PARD3: variants seen among roughly 807,000 people sequenced by gnomAD.
PARD3 encodes the protein par-3 family cell polarity regulator, also known as partitioning defective 3 homolog.
Under a neutral mutation model 155.4 loss-of-function variants are expected in PARD3, and 75 were observed. The observed-to-expected ratio is 0.48, with a 90% CI of 0.40 to 0.58. The LOEUF (loss-of-function observed/expected upper bound fraction) is 0.58. Ranked by LOEUF, PARD3 falls within the 20% of genes least tolerant of loss-of-function variation. The pLI is 0.00. For missense variants in PARD3, 1,642 were observed against 1,721.7 expected, an observed-to-expected ratio of 0.95 and a Z score of 0.82; for synonymous variants, 576 against 610.5, an observed-to-expected ratio of 0.94 and a Z score of 0.83.
chr10:34,369,342 TTATTTATTG>T (rs1312011883), intron 12 of PARD3, among the ~76,000 whole-genome samples: 4 of 149,312 alleles, frequency 2.7e-5, no homozygotes, highest in Non-Finnish European at 5.9e-5. Context: ...ATTTATTTAT[TTATTTATTG>T]GCTTATCTGC....
At chr10:34,125,227 C>T (rs1271022897) in intron 23 of PARD3, among the ~76,000 whole-genome samples, 5 of 152,092 alleles carry the variant, frequency 3.3e-5, no homozygotes, top group African/African-American at 9.6e-5. Context: ...CCACCACGCC[C>T]GGCTAATTTT....
intron 19 of PARD3, among the ~76,000 whole-genome samples, chr10:34,328,976 C>T (rs1008079372): frequency 3.9e-5 from 6 of 152,140 alleles, no homozygotes; most frequent in East Asian, 3.8e-4. Context: ...ACCTGCCACA[C>T]GTGTATTTCC....
intron 1 of PARD3, among the ~76,000 whole-genome samples, chr10:34,703,811 T>C (rs141755463): frequency 9.6e-4 from 146 of 152,244 alleles, no homozygotes; most frequent in African/African-American, 2.9e-3. Context: ...TAGACAATCA[T>C]CTACCAGTGA....
At chr10:34,448,161 G>A (rs2132749074) in intron 5 of PARD3, among the ~76,000 whole-genome samples, 1 of 151,420 alleles carries the variant, frequency 6.6e-6, no homozygotes, top group African/African-American at 2.4e-5. Context: ...GTGTGTGTGT[G>A]TGTACACATA....
chr10:34,752,854 G>A (rs1287734832), intron 1 of PARD3, among the ~76,000 whole-genome samples: 2 of 152,196 alleles, frequency 1.3e-5, no homozygotes, highest in Non-Finnish European at 2.9e-5. Context: ...CAGGGGCTGT[G>A]TGCGAATACC....
intron 5 of PARD3, among the ~76,000 whole-genome samples, chr10:34,415,194 A>G (rs1056220804): frequency 6.6e-6 from 1 of 152,128 alleles, no homozygotes; most frequent in Non-Finnish European, 1.5e-5. Context: ...AAGGGTCAGG[A>G]GGTGGGGAAG....
chr10:34,730,921 C>A (rs1333201553), intron 1 of PARD3, among the ~76,000 whole-genome samples: 5 of 152,222 alleles, frequency 3.3e-5, no homozygotes, highest in African/African-American at 4.8e-5. Context: ...CTATTCATTT[C>A]TCTTGTGAAA....
intron 5 of PARD3, among the ~76,000 whole-genome samples, chr10:34,403,880 A>G (rs557678449): frequency 6.6e-5 from 10 of 152,336 alleles, no homozygotes; most frequent in African/African-American, 2.2e-4. Context: ...GGACACAAAA[A>G]TAATCTTACA....
At chr10:34,686,814 TGAG>T (rs1252090899) in intron 2 of PARD3, among the ~76,000 whole-genome samples, 1 of 151,510 alleles carries the variant, frequency 6.6e-6, no homozygotes, top group Non-Finnish European at 1.5e-5. Flanking sequence ...TTTGGGAGGC[TGAG>T]GAGGGTGGAT....
At chr10:34,347,035 G>T (rs1317053919) in intron 15 of PARD3, among the ~76,000 whole-genome samples, 1 of 152,154 alleles carries the variant, frequency 6.6e-6, no homozygotes, top group African/African-American at 2.4e-5. Context: ...ACCCACTGAT[G>T]AATAAATTAC....
chr10:34,359,243 A>G lies in PARD3; in HGVS notation c.1971T>C (p.Asp657=). The change falls in exon 14 of 25, where the codon GAT becomes GAC. Residue 657 remains aspartate (D), a synonymous_variant. Coordinates refer to ENST00000374788, the MANE Select transcript of PARD3 (RefSeq NM_001184785.2). ...TAGACCTTCTTAGGGTTTCCATGGCATCTTGGTTTGTCTTGCCCAACAGGG... is the reference window on the plus strand; with the variant it reads ...TAGACCTTCTTAGGGTTTCCATGGCGTCTTGGTTTGTCTTGCCCAACAGGG... The part of the protein sequence containing the change: ...GESLLGKTNQ[D]AMETLRRSMS... 14 of 1,613,776 alleles carry G rather than the reference A, an allele frequency of 8.7e-6. No individual in the cohort carries two copies. The highest frequency in any genetic ancestry group is 1.2e-5 in the Non-Finnish European group (14 of 1,179,710).
chr10:34,520,189 A>G (rs982673726), intron 2 of PARD3, among the ~76,000 whole-genome samples: 2 of 152,216 alleles, frequency 1.3e-5, no homozygotes, highest in African/African-American at 2.4e-5. Context: ...GAACATTTAT[A>G]TATCATCAAT....
intron 16 of PARD3, among the ~76,000 whole-genome samples, chr10:34,338,162 A>T (rs1404832224): frequency 6.6e-6 from 1 of 152,246 alleles, no homozygotes; most frequent in East Asian, 1.9e-4. Context: ...ATCAGGAAGA[A>T]AATGACTAAG....
At position 34,375,053 on chromosome 10, in the gene PARD3, A is replaced by AACACACACACAC. The variant is rs35263377; in HGVS notation, c.1540-63_1540-52dup. The AACACACACACAC allele has an allele frequency of 9.4e-4, 735 of 783,504 alleles. 5 individuals are homozygous for AACACACACACAC. In the African/African-American group the frequency reaches 0.011, roughly 12 times the overall value. 48.5% of individuals were successfully genotyped at this position (783,504 alleles called of 1,614,324 possible). Reference sequence around the variant, plus strand: ...TGTAATCCTGTGGAAACAACAGGAAAACACACACACACACACACACACACA... The same window carrying AACACACACACAC: ...TGTAATCCTGTGGAAACAACAGGAAAACACACACACACACACACACACACACACACACACACA... On this transcript the variant is annotated intron_variant, in intron 10 of 24. Transcript: ENST00000374788.
At chr10:34,182,455 C>T (rs1332462517) in intron 22 of PARD3, among the ~76,000 whole-genome samples, 1 of 152,140 alleles carries the variant, frequency 6.6e-6, no homozygotes, top group African/African-American at 2.4e-5. Context: ...AATTCATATA[C>T]CATTGATTCC....
intron 6 of PARD3, among the ~76,000 whole-genome samples, chr10:34,399,899 AAGTGCTCTTTT>A (rs1843714147): frequency 6.6e-6 from 1 of 152,176 alleles, no homozygotes; most frequent in Non-Finnish European, 1.5e-5. Flanking sequence ...CTAATTTACA[AAGTGCTCTTTT>A]ATATGTCACA....
At chr10:34,519,355 G>C (rs980968168) in intron 2 of PARD3, among the ~76,000 whole-genome samples, 3 of 152,014 alleles carry the variant, frequency 2.0e-5, no homozygotes, top group Non-Finnish European at 2.9e-5. Context: ...AGTGTATATG[G>C]AAATACTCTG....
At chr10:34,463,188 G>T (rs1327697864) in intron 4 of PARD3, among the ~76,000 whole-genome samples, 2 of 131,706 alleles carry the variant, frequency 1.5e-5, no homozygotes, top group Non-Finnish European at 3.2e-5. Context: ...GGAAAGGAAA[G>T]AGAAGGGGAA....
chr10:34,666,512 C>G (rs1253852069), intron 2 of PARD3, among the ~76,000 whole-genome samples: 1 of 151,830 alleles, frequency 6.6e-6, no homozygotes, highest in Non-Finnish European at 1.5e-5. Flanking sequence ...GAGCACATTG[C>G]CAGATACTTA....
Sources: gnomAD v4.1 joint callset for allele counts (sites outside exome capture counted in the v4.1 genomes callset) on GRCh38, gnomAD v4.1.1 for gene constraint, MANE v1.5 for transcripts, NCBI Gene and HGNC (gene_info 2026-07-23, HGNC 2026-07-21) for gene names.